The following FASTKD5 variants were observed in gnomAD, a reference collection of about 807,000 sequenced individuals.
The protein encoded by FASTKD5 is non-canonical pre-mRNAs endonuclease FASTKD5, mitochondrial.
FASTKD5 carries 30 observed loss-of-function variants against 44.0 expected under a neutral mutation model. The observed-to-expected ratio is 0.68, with a 90% confidence interval of 0.51 to 0.93. The LOEUF is 0.93. FASTKD5 is among the 40% of genes least tolerant of loss of function. The pLI, the probability that FASTKD5 is intolerant of heterozygous loss-of-function variation, is 0.00. For synonymous variants in FASTKD5, 335 were observed against 342.2 expected (o/e 0.98, Z 0.23); for missense variants, 868 against 908.2 (o/e 0.96, Z 0.57).
In FASTKD5 at chr20:3,148,011, G is replaced by C; in HGVS notation, c.1060C>G (p.Arg354Gly). The C allele has an allele frequency of 6.2e-7, 1 of 1,614,116 alleles. No individual in the cohort carries two copies. The highest frequency in any genetic ancestry group is 8.5e-7 in the Non-Finnish European group (1 of 1,180,024). The part of the protein sequence containing the change: ...ACANIQHLSS[R>G]SLVNIVKMFR... The stretch of plus-strand genomic sequence containing the variant: ...ATTTTAACAATATTCACTAAGGAGC[G>C]ACTACTCAGATGCTGAATGTTAGCA... Residue 354 changes from arginine to glycine, a missense_variant, in exon 2 of 2, where the codon CGC becomes GGC. By Grantham distance (125) the Arg-to-Gly change is moderately radical. Coordinates refer to ENST00000380266, the MANE Select transcript of FASTKD5 (RefSeq NM_021826.5).
intron 1 of FASTKD5, among the ~76,000 whole-genome samples, chr20:3,152,088 G>GTGCA (rs1371072965): frequency 6.7e-5 from 8 of 120,096 alleles, no homozygotes; most frequent in Admixed American, 1.8e-4. Flanking sequence ...CTGGGTGACA[G>GTGCA]AGACTCTGTC....
chr20:3,156,629 G>A (rs2066689025), intron 1 of FASTKD5: 1 of 152,290 alleles, frequency 6.6e-6, no homozygotes, highest in Admixed American at 6.5e-5. Context: ...AGTTCCAAAA[G>A]GCAATGCCCA....
intron 1 of FASTKD5, among the ~76,000 whole-genome samples, chr20:3,153,247 T>G (rs2066649734): frequency 6.6e-6 from 1 of 152,254 alleles, no homozygotes; most frequent in Non-Finnish European, 1.5e-5. Context: ...ACATCAATGT[T>G]TGGTGCAGCT....
intron 1 of FASTKD5, among the ~76,000 whole-genome samples, chr20:3,155,052 C>CAAAAAAAAAAAAA (rs11326176): frequency 1.0e-5 from 1 of 96,098 alleles, no homozygotes; most frequent in Non-Finnish European, 2.0e-5. Context: ...GACACAGTCT[C>CAAAAAAAAAAAAA]AAAAAAAAAA....
intron 1 of FASTKD5, among the ~76,000 whole-genome samples, chr20:3,152,131 A>G (rs1430738462): frequency 6.6e-6 from 1 of 151,416 alleles, no homozygotes; most frequent in East Asian, 1.9e-4. Context: ...AAGAACCAAA[A>G]AAACAGAGAT....
chr20:3,152,333 T>C (rs943467600), intron 1 of FASTKD5, among the ~76,000 whole-genome samples: 1 of 151,176 alleles, frequency 6.6e-6, no homozygotes, highest in Non-Finnish European at 1.5e-5. Context: ...TACAAAAAAT[T>C]AGCCAGGCGT....
At chr20:3,159,094 G>A (rs2066719310) in intron 1 of FASTKD5, among the ~76,000 whole-genome samples, 1 of 152,146 alleles carries the variant, frequency 6.6e-6, no homozygotes, top group South Asian at 2.1e-4. Flanking sequence ...CAAGACAGAA[G>A]AGCTGTGTCA....
At chr20:3,151,852 T>A (rs1270474788) in intron 1 of FASTKD5, 2 of 151,516 alleles carry the variant, frequency 1.3e-5, no homozygotes, top group African/African-American at 4.8e-5. Context: ...TGCCTGTAAT[T>A]CCAGCACTTT....
intron 1 of FASTKD5, among the ~76,000 whole-genome samples, chr20:3,159,218 G>T (rs574813471): frequency 2.0e-5 from 3 of 152,208 alleles, no homozygotes; most frequent in Admixed American, 1.3e-4. Flanking sequence ...AAAATGGGGG[G>T]AAGGTATATA....
chr20:3,147,698 A>C lies in FASTKD5; in HGVS notation c.1373T>G (p.Ile458Ser), dbSNP rs2066581132. ...GTTGAATTCAGGCATCTTTCTGTGA[A>C]TCTCACTTATCAGGCTGGAGTAAAA... The part of the protein sequence containing the change: ...EEFYSSLISE[I>S]HRKMPEFNQY... Residue 458 changes from isoleucine (I) to serine (S), a missense_variant, in exon 2 of 2, where the codon ATT becomes AGT. Physicochemically the swap from Ile to Ser is moderately radical, Grantham distance 142. Coordinates refer to ENST00000380266, the MANE Select transcript of FASTKD5 (RefSeq NM_021826.5). The C allele has an allele frequency of 3.1e-6, 5 of 1,614,212 alleles. No homozygotes were observed. Among genetic ancestry groups the C allele is most frequent in the Non-Finnish European group, 4.2e-6 (5 of 1,180,034 alleles).
At chr20:3,151,102 A>C (rs1028724944) in intron 1 of FASTKD5, among the ~76,000 whole-genome samples, 2 of 151,918 alleles carry the variant, frequency 1.3e-5, no homozygotes, top group Non-Finnish European at 2.9e-5. Context: ...GGAGTCTCAC[A>C]ATGTTGCCAA....
Position 3,157,119 on chromosome 20 carries a change from C to A in FASTKD5, c.-191+2647G>T, listed in dbSNP as rs115161444. ...CTACCAAAAAAAAAGGGCAAAAAAACCGAACTTTCTCTAGGTGCTGAGGTA... is the reference window on the plus strand; with the variant it reads ...CTACCAAAAAAAAAGGGCAAAAAAAACGAACTTTCTCTAGGTGCTGAGGTA... On this transcript the variant is annotated intron_variant, in intron 1 of 1. Transcript: ENST00000380266. Among the ~76,000 whole-genome samples the A allele has an allele frequency of 8.9e-3, 1,355 of 152,160 alleles. 26 individuals carry two copies. Among genetic ancestry groups the A allele is most frequent in the African/African-American group, 0.029 (1,209 of 41,504 alleles).
chr20:3,147,381 A>G lies in FASTKD5; in HGVS notation c.1690T>C (p.Phe564Leu), dbSNP rs768045467. 1 of 1,614,266 alleles carries G rather than the reference A, an allele frequency of 6.2e-7. No individual in the cohort carries two copies. The highest frequency in any genetic ancestry group is 8.5e-7 in the Non-Finnish European group (1 of 1,180,052). ...NSKPEFLETV[F>L]LLETMLGGPQ... is the part of the protein sequence containing the mutation. ...CCCCCCAGCATGGTCTCCAGTAAAA[A>G]GACAGTTTCTAAGAATTCAGGCTTT... The change falls in exon 2 of 2, where the codon TTT becomes CTT. Residue 564 changes from phenylalanine (F) to leucine (L), a missense_variant. By Grantham distance (22) the Phe-to-Leu change is conservative. Coordinates refer to ENST00000380266, the MANE Select transcript of FASTKD5 (RefSeq NM_021826.5).
In FASTKD5 at chr20:3,147,745, A is replaced by G. The variant is rs759955130; in HGVS notation, c.1326T>C (p.Tyr442=). 1.5e-5 allele frequency: 24 copies of G among 1,614,240 alleles called. No homozygotes were observed. Among genetic ancestry groups the G allele is most frequent in the Admixed American group, 1.2e-4 (7 of 60,024 alleles). The change falls in exon 2 of 2, where the codon TAT becomes TAC. Residue 442 remains tyrosine, a synonymous_variant. Coordinates refer to ENST00000380266, the MANE Select transcript of FASTKD5 (RefSeq NM_021826.5). ...AAAATTCTTCTGCATTGGGTGGCTT[A>G]TAATTCAGAGTTCCAAATGACCACA... ...KILWSFGTLN[Y]KPPNAEEFYS...
rs1380828243 is a variant in FASTKD5, at chr20:3,146,708, A to G, written c.*68T>C. On this transcript the variant is annotated 3_prime_UTR_variant, in exon 2 of 2. Coordinates refer to ENST00000380266, the MANE Select transcript of FASTKD5 (RefSeq NM_021826.5). ...GCCAAACTTACATTCTGGCTTTTAT[A>G]ATCATTTTGCAACACCTGGTACAGT... 1.3e-6 allele frequency: 2 copies of G among 1,509,650 alleles called. No homozygotes were observed. The highest frequency in any genetic ancestry group is 2.8e-5 in the African/African-American group (2 of 71,536). The allele number at this position is 1,509,650 out of a possible 1,614,324, so 93.5% of individuals were successfully genotyped here.
At position 3,147,492 on chromosome 20, in the gene FASTKD5, C is replaced by G; in HGVS notation, c.1579G>C (p.Asp527His). 1 of 1,614,214 alleles carries G rather than the reference C, an allele frequency of 6.2e-7. No individual in the cohort carries two copies. Among genetic ancestry groups the G allele is most frequent in the East Asian group, 2.2e-5 (1 of 44,890 alleles). ...LDGTVGIECP[D>H]YRGNRLSTHL... Reference sequence around the variant, plus strand: ...GTACTAAGACGATTGCCTCTGTAATCTGGACACTCAATGCCAACTGTACCA... The same window carrying G: ...GTACTAAGACGATTGCCTCTGTAATGTGGACACTCAATGCCAACTGTACCA... Residue 527 changes from aspartate to histidine, a missense_variant, in exon 2 of 2, where the codon GAT (aspartate) becomes CAT (histidine). By Grantham distance (81) the Asp-to-His change is moderately conservative. Transcript: ENST00000380266.
At chr20:3,155,406 C>T (rs536660209) in intron 1 of FASTKD5, among the ~76,000 whole-genome samples, 65 of 152,234 alleles carry the variant, frequency 4.3e-4, no homozygotes, top group South Asian at 3.1e-3. Context: ...TGGCAGGCAC[C>T]TGTAATCTCA....
Position 3,147,385 on chromosome 20 carries a change from A to T in FASTKD5, c.1686T>A (p.Thr562=). The T allele has an allele frequency of 6.2e-7, 1 of 1,614,212 alleles. No homozygotes were observed. The highest frequency in any genetic ancestry group is 8.5e-7 in the Non-Finnish European group (1 of 1,180,050). ...DMNSKPEFLE[T]VFLLETMLGG... The stretch of plus-strand genomic sequence containing the variant: ...CCAGCATGGTCTCCAGTAAAAAGAC[A>T]GTTTCTAAGAATTCAGGCTTTGAAT... Residue 562 remains threonine (T), a synonymous_variant, in exon 2 of 2, where the codon ACT becomes ACA. Coordinates refer to ENST00000380266, the MANE Select transcript of FASTKD5 (RefSeq NM_021826.5).
At position 3,148,043 on chromosome 20, in the gene FASTKD5, A is replaced by C; in HGVS notation, c.1028T>G (p.Leu343Trp). The C allele has an allele frequency of 6.2e-7, 1 of 1,614,196 alleles. No homozygotes were observed. The highest frequency in any genetic ancestry group is 8.5e-7 in the Non-Finnish European group (1 of 1,180,046). Residue 343 changes from leucine (L) to tryptophan (W), a missense_variant, in exon 2 of 2, where the codon TTG becomes TGG. Coordinates refer to ENST00000380266, the MANE Select transcript of FASTKD5 (RefSeq NM_021826.5). ...CAGATGCTGAATGTTAGCACAAGCCAAGTCTCCAATTTTCCGCATGACAAA... is the reference window on the plus strand; with the variant it reads ...CAGATGCTGAATGTTAGCACAAGCCCAGTCTCCAATTTTCCGCATGACAAA... Reference protein sequence around the residue: ...SEFVMRKIGDLACANIQHLSS... With the variant: ...SEFVMRKIGDWACANIQHLSS...
Sources: gnomAD v4.1 joint callset for allele counts (sites outside exome capture counted in the v4.1 genomes callset) on GRCh38, gnomAD v4.1.1 for gene constraint, MANE v1.5 for transcripts, NCBI Gene and HGNC (gene_info 2026-07-23, HGNC 2026-07-21) for gene names.